The following ARFGAP3 variants were observed in gnomAD, a reference collection of about 807,000 sequenced individuals.
ARFGAP3 encodes ADP-ribosylation factor GTPase-activating protein 3.
ARFGAP3 carries 72 observed loss-of-function variants against 75.0 expected under a neutral mutation model. The observed-to-expected ratio is 0.96, with a 90% CI of 0.79 to 1.17. The LOEUF (loss-of-function observed/expected upper bound fraction) is 1.17. ARFGAP3 is among the 50% of genes most tolerant of loss of function. The pLI is 0.00. For synonymous variants in ARFGAP3, 221 were observed against 217.9 expected (o/e 1.01, Z -0.13); for missense variants, 620 against 626.6 (o/e 0.99, Z 0.11).
rs978832150 is a variant in ARFGAP3 at position 42,831,577 on chromosome 22, A to G, written c.537T>C (p.Pro179=). The G allele has an allele frequency of 1.2e-6, 2 of 1,613,934 alleles. No individual in the cohort carries two copies. The highest frequency in any genetic ancestry group is 4.5e-5 in the East Asian group (2 of 44,846). Residue 179 remains proline, a synonymous_variant, in exon 6 of 16, where the codon CCT becomes CCC. Coordinates refer to ENST00000263245, the MANE Select transcript of ARFGAP3 (RefSeq NM_014570.5). The part of the protein sequence containing the change: ...IAEPSSLTSR[P]VETTLENNEG... ...CATTATTTTCCAAAGTGGTTTCCAC[A>G]GGCCTTGATGTTAAAGAAGATGGTT...
At chr22:42,840,486 G>C (rs773246751) in intron 3 of ARFGAP3, among the ~76,000 whole-genome samples, 1 of 148,674 alleles carries the variant, frequency 6.7e-6, no homozygotes, top group Non-Finnish European at 1.5e-5. Context: ...GTGTGATCTC[G>C]GCTCACTGCA....
Position 42,835,480 on chromosome 22 carries a change from T to C in ARFGAP3, c.275A>G (p.His92Arg). Reference sequence around the variant, plus strand: ...GTCATTGGTGGAACACCCATGTTGATGAAAAAAGGAAGACTACAGAGAAAA... The same window carrying C: ...GTCATTGGTGGAACACCCATGTTGACGAAAAAAGGAAGACTACAGAGAAAA... ...GGNASASSFFHQHGCSTNDTN... is the reference protein window; with the variant it reads ...GGNASASSFFRQHGCSTNDTN... The change falls in exon 4 of 16, where the codon CAT (histidine) becomes CGT (arginine). Residue 92 changes from histidine (H) to arginine (R), a missense_variant. Transcript: ENST00000263245. The C allele has an allele frequency of 6.2e-7, 1 of 1,613,676 alleles. No individual in the cohort carries two copies. The highest frequency in any genetic ancestry group is 8.5e-7 in the Non-Finnish European group (1 of 1,179,776).
At chr22:42,838,275 C>CACAT (rs147134739) in intron 3 of ARFGAP3, among the ~76,000 whole-genome samples, 8 of 137,896 alleles carry the variant, frequency 5.8e-5, no homozygotes, top group African/African-American at 2.2e-4. Context: ...TACACACACA[C>CACAT]ATATATATAT....
rs369515416 is a variant in ARFGAP3, at chr22:42,804,172, G to A, written c.1411+2901C>T. On this transcript the variant is annotated intron_variant, in intron 14 of 15. Coordinates refer to ENST00000263245, the MANE Select transcript of ARFGAP3 (RefSeq NM_014570.5). ...GTCTTCCTCAGCCTCCCAAAGTGCTGGATTATAGGGGTGAGCCACCAAGCA... is the reference window on the plus strand; with the variant it reads ...GTCTTCCTCAGCCTCCCAAAGTGCTAGATTATAGGGGTGAGCCACCAAGCA... Among the ~76,000 whole-genome samples the A allele has an allele frequency of 2.6e-5, 4 of 151,532 alleles. No homozygotes were observed. In the South Asian group the frequency reaches 6.3e-4, roughly 24 times the overall value.
intron 15 of ARFGAP3, among the ~76,000 whole-genome samples, chr22:42,798,626 T>C (rs1569129165): frequency 6.6e-6 from 1 of 152,250 alleles, no homozygotes; most frequent in Non-Finnish European, 1.5e-5. Context: ...ATAATCCCTT[T>C]TTAACTTTAA....
chr22:42,837,525 T>TGA (rs1248441175), intron 3 of ARFGAP3, among the ~76,000 whole-genome samples: 1 of 147,392 alleles, frequency 6.8e-6, no homozygotes, highest in Non-Finnish European at 1.5e-5. Flanking sequence ...GGAGGCTGAG[T>TGA]GAGAGAATCA....
At chr22:42,803,822 C>T (rs899615642) in intron 14 of ARFGAP3, among the ~76,000 whole-genome samples, 1 of 152,030 alleles carries the variant, frequency 6.6e-6, no homozygotes, top group Non-Finnish European at 1.5e-5. Context: ...TCACCAGAAG[C>T]GTTTCACATT....
At chr22:42,822,097 G>A (rs1322010900) in intron 9 of ARFGAP3, among the ~76,000 whole-genome samples, 173 bp downstream of exon 9, 3 of 151,682 alleles carry the variant, frequency 2.0e-5, no homozygotes, top group South Asian at 2.1e-4. Flanking sequence ...TGCCCCCATC[G>A]TCTCTTTCCC....
intron 1 of ARFGAP3, among the ~76,000 whole-genome samples, chr22:42,848,852 G>A (rs2146586924): frequency 6.6e-6 from 1 of 152,336 alleles, no homozygotes; most frequent in African/African-American, 2.4e-5. Context: ...GGTGATCTGT[G>A]TGTCTATGTG....
chr22:42,830,404 A>T (rs1926233509), intron 6 of ARFGAP3, among the ~76,000 whole-genome samples: 1 of 152,232 alleles, frequency 6.6e-6, no homozygotes. Context: ...AATCCTTGCC[A>T]GAAATTTTCT....
intron 2 of ARFGAP3, among the ~76,000 whole-genome samples, chr22:42,846,038 C>CAAAAAAAAAA (rs60266541): frequency 1.1e-5 from 1 of 88,110 alleles, no homozygotes; most frequent in South Asian, 3.8e-4. Context: ...AACTCCATCT[C>CAAAAAAAAAA]AAAAAAAAAA....
intron 6 of ARFGAP3, among the ~76,000 whole-genome samples, chr22:42,827,965 T>A (rs1042939969): frequency 1.1e-4 from 17 of 152,302 alleles, no homozygotes; most frequent in South Asian, 1.0e-3. Context: ...ATTTTAATTT[T>A]ATTTTATTTA....
At chr22:42,831,160 G>A (rs780401214) in intron 6 of ARFGAP3, among the ~76,000 whole-genome samples, 28 of 151,888 alleles carry the variant, frequency 1.8e-4, no homozygotes, top group Non-Finnish European at 3.8e-4. Flanking sequence ...TGCGGTGCAT[G>A]TCTGTAATCC....
intron 3 of ARFGAP3, among the ~76,000 whole-genome samples, chr22:42,836,726 T>C (rs1008069482): frequency 1.3e-5 from 2 of 152,196 alleles, no homozygotes; most frequent in Non-Finnish European, 2.9e-5. Flanking sequence ...GATAATGATA[T>C]TGGTCACCCA....
chr22:42,841,147 C>T, intron 2 of ARFGAP3, 131 bp from the exon 3 acceptor site: 1 of 1,455,206 alleles, frequency 6.9e-7, no homozygotes, highest in Non-Finnish European at 9.0e-7. Flanking sequence ...AACAAGGACC[C>T]ACACTTTTGG....
intron 2 of ARFGAP3, among the ~76,000 whole-genome samples, chr22:42,842,011 C>CTTTTTTTTTTTTTTT (rs55825441): frequency 1.1e-5 from 1 of 91,274 alleles, no homozygotes; most frequent in Non-Finnish European, 2.0e-5. Flanking sequence ...CCATGCCGGG[C>CTTTTTTTTTTTTTTT]TTTTTTTTTT....
intron 14 of ARFGAP3, among the ~76,000 whole-genome samples, chr22:42,805,697 G>A (rs1925087477): frequency 6.6e-6 from 1 of 152,210 alleles, no homozygotes; most frequent in Non-Finnish European, 1.5e-5. Flanking sequence ...CTGGGGTGAG[G>A]CACAGGGTGT....
chr22:42,814,971 C>G (rs114331760), intron 11 of ARFGAP3, among the ~76,000 whole-genome samples: 26 of 152,300 alleles, frequency 1.7e-4, no homozygotes, highest in Middle Eastern at 3.4e-3. Context: ...TTCCTGGGCT[C>G]GAGTGATCCT....
At chr22:42,821,797 T>A (rs1925823576) in intron 9 of ARFGAP3, among the ~76,000 whole-genome samples, 1 of 152,228 alleles carries the variant, frequency 6.6e-6, no homozygotes, top group Admixed American at 6.5e-5. Context: ...TTTAACTTTC[T>A]GAAGGACTGC....
Sources: allele counts gnomAD v4.1 joint callset (sites outside exome capture counted in the v4.1 genomes callset), GRCh38; gene constraint gnomAD v4.1.1; transcripts MANE v1.5; gene names NCBI Gene and HGNC (gene_info 2026-07-23, HGNC 2026-07-21).